Variants in KCNB2 observed in about 807,000 individuals in gnomAD.
KCNB2 encodes the protein delayed rectifier potassium channel protein.
In KCNB2, 15 loss-of-function variants were observed where a neutral mutation model predicts 61.5. That is an observed-to-expected ratio of 0.24 (90% CI 0.16 to 0.38). The LOEUF (loss-of-function observed/expected upper bound fraction) is 0.38, where lower values mean the gene tolerates loss of function less well. Ranked by LOEUF, KCNB2 falls within the 10% of genes least tolerant of loss-of-function variation. The pLI, the probability that KCNB2 is intolerant of heterozygous loss-of-function variation, is 1.00. For synonymous variants in KCNB2, 457 were observed against 446.0 expected (o/e 1.02, Z -0.31); for missense variants, 828 against 1,125.2 (o/e 0.74, Z 3.78).
chr8:72,797,793 A>G (rs921870584), intron 2 of KCNB2, among the ~76,000 whole-genome samples: 5 of 152,226 alleles, frequency 3.3e-5, no homozygotes, highest in Non-Finnish European at 2.9e-5. Flanking sequence ...GTTGCGTGTA[A>G]TGCCACTGTG....
chr8:72,722,050 G>A (rs1240079371), intron 2 of KCNB2, among the ~76,000 whole-genome samples: 2 of 152,156 alleles, frequency 1.3e-5, no homozygotes, highest in Non-Finnish European at 2.9e-5. Flanking sequence ...GGGAACCCCA[G>A]GATCCTCCCT....
chr8:72,870,079 T>C (rs1805592720), intron 2 of KCNB2, among the ~76,000 whole-genome samples: 1 of 152,164 alleles, frequency 6.6e-6, no homozygotes, highest in East Asian at 1.9e-4. Context: ...CTAACTGAGA[T>C]AAGCCAGTCA....
intron 1 of KCNB2, among the ~76,000 whole-genome samples, chr8:72,565,758 C>A (rs778567422): frequency 6.6e-6 from 1 of 152,070 alleles, no homozygotes; most frequent in South Asian, 2.1e-4. Flanking sequence ...ATCCCAATAA[C>A]TCCATTTTTG....
intron 2 of KCNB2, among the ~76,000 whole-genome samples, chr8:72,918,337 A>G (rs1453309263): frequency 6.6e-6 from 1 of 152,150 alleles, no homozygotes; most frequent in African/African-American, 2.4e-5. Flanking sequence ...GCAATGAGAG[A>G]ATGGGGTTGT....
intron 2 of KCNB2, among the ~76,000 whole-genome samples, chr8:72,866,536 A>C (rs2129004432): frequency 6.6e-6 from 1 of 152,302 alleles, no homozygotes; most frequent in Admixed American, 6.5e-5. Flanking sequence ...CCACTCCAAA[A>C]GTACTTGATT....
At chr8:72,928,967 G>C (rs531511472) in intron 2 of KCNB2, among the ~76,000 whole-genome samples, 7 of 152,026 alleles carry the variant, frequency 4.6e-5, no homozygotes, top group African/African-American at 1.7e-4. Flanking sequence ...GTTTCCCAAT[G>C]CTGGCTAAAG....
At chr8:72,551,584 C>T (rs565656749) in intron 1 of KCNB2, among the ~76,000 whole-genome samples, 1 of 152,254 alleles carries the variant, frequency 6.6e-6, no homozygotes, top group African/African-American at 2.4e-5. Flanking sequence ...TACATTCTTA[C>T]TCATGTCTCT....
intron 1 of KCNB2, among the ~76,000 whole-genome samples, chr8:72,538,860 T>G (rs1339565463): frequency 1.3e-5 from 2 of 152,156 alleles, no homozygotes; most frequent in Admixed American, 6.5e-5. Context: ...TAGTATAGTG[T>G]GGGTCGGAAG....
At chr8:72,544,071 C>T (rs946447181) in intron 1 of KCNB2, among the ~76,000 whole-genome samples, 3 of 152,130 alleles carry the variant, frequency 2.0e-5, no homozygotes, top group African/African-American at 4.8e-5. Context: ...TCATTTTCTA[C>T]GTGGGATAGT....
intron 2 of KCNB2, among the ~76,000 whole-genome samples, chr8:72,594,347 T>G (rs1289306979): frequency 6.6e-6 from 1 of 152,156 alleles, no homozygotes; most frequent in Non-Finnish European, 1.5e-5. Context: ...GTCCACCCCC[T>G]TCTCTGGTCC....
intron 2 of KCNB2, among the ~76,000 whole-genome samples, chr8:72,759,065 G>C (rs1480386356): frequency 6.6e-6 from 1 of 152,132 alleles, no homozygotes; most frequent in African/African-American, 2.4e-5. Context: ...CTGAACTAAT[G>C]AAAGTGTTAT....
At chr8:72,594,606 TG>T (rs1366715740) in intron 2 of KCNB2, among the ~76,000 whole-genome samples, 1 of 152,190 alleles carries the variant, frequency 6.6e-6, no homozygotes, top group Non-Finnish European at 1.5e-5. Context: ...AACGTGTCAG[TG>T]GAAAAGCTAT....
intron 2 of KCNB2, among the ~76,000 whole-genome samples, chr8:72,632,427 A>G (rs755725921): frequency 6.6e-6 from 1 of 152,192 alleles, no homozygotes; most frequent in Non-Finnish European, 1.5e-5. Context: ...AGAGTTGCAG[A>G]GTTGCAGAGT....
intron 2 of KCNB2, among the ~76,000 whole-genome samples, chr8:72,700,658 T>G (rs554655201): frequency 6.6e-5 from 10 of 152,258 alleles, no homozygotes; most frequent in Admixed American, 6.5e-4. Context: ...TAGTTCAGCC[T>G]CTGCGGAAAG....
intron 2 of KCNB2, among the ~76,000 whole-genome samples, chr8:72,856,805 AAT>A (rs1168954016): frequency 6.6e-6 from 1 of 152,182 alleles, no homozygotes; most frequent in Non-Finnish European, 1.5e-5. Flanking sequence ...CAACAACTGG[AAT>A]ACTGTTGCCT....
At chr8:72,756,135 C>T (rs1355838261) in intron 2 of KCNB2, among the ~76,000 whole-genome samples, 1 of 152,128 alleles carries the variant, frequency 6.6e-6, no homozygotes, top group East Asian at 1.9e-4. Flanking sequence ...CCTTGGGGTC[C>T]GCAGTCAGGA....
intron 2 of KCNB2, among the ~76,000 whole-genome samples, chr8:72,639,468 C>T (rs1451607836): frequency 6.6e-6 from 1 of 152,122 alleles, no homozygotes; most frequent in Non-Finnish European, 1.5e-5. Context: ...CTACCTCTGG[C>T]TGTGAGGTTT....
intron 2 of KCNB2, among the ~76,000 whole-genome samples, chr8:72,626,970 G>A (rs1045536257): frequency 2.0e-5 from 3 of 152,184 alleles, no homozygotes; most frequent in Non-Finnish European, 2.9e-5. Context: ...CTAACTGGGG[G>A]CTCTAAGGGC....
chr8:72,667,689 A>T (rs1036528612), intron 2 of KCNB2, among the ~76,000 whole-genome samples: 1 of 152,042 alleles, frequency 6.6e-6, no homozygotes, highest in Non-Finnish European at 1.5e-5. Flanking sequence ...CCCCATTTAA[A>T]TCACCATCAT....
Sources: gnomAD v4.1 joint callset for allele counts (sites outside exome capture counted in the v4.1 genomes callset) on GRCh38, gnomAD v4.1.1 for gene constraint, MANE v1.5 for transcripts, NCBI Gene and HGNC (gene_info 2026-07-23, HGNC 2026-07-21) for gene names.